The following RCBTB1 variants were observed in gnomAD, a reference collection of about 807,000 sequenced individuals.
RCBTB1 encodes RCC1 and BTB domain-containing protein 1.
A neutral mutation model predicts 62.4 loss-of-function variants in RCBTB1; 46 were observed. That is an observed-to-expected ratio of 0.74 (90% CI 0.58 to 0.94). The LOEUF (loss-of-function observed/expected upper bound fraction) is 0.94, where lower values mean the gene tolerates loss of function less well. Among genes scored for constraint, RCBTB1 ranks in the 40% least tolerant of loss-of-function variants. The pLI is 0.00. For missense variants in RCBTB1, 565 were observed against 654.9 expected, an observed-to-expected ratio of 0.86 and a Z score of 1.50; for synonymous variants, 222 against 245.8, an observed-to-expected ratio of 0.90 and a Z score of 0.91.
rs954802578 is a variant in RCBTB1, at chr13:49,533,965, C to G, written c.*157G>C. 1.5e-6 allele frequency: 1 copy of G among 670,846 alleles called. No homozygotes were observed. The highest frequency in any genetic ancestry group is 2.5e-6 in the Non-Finnish European group (1 of 406,904). 41.6% of individuals were successfully genotyped at this position (670,846 alleles called of 1,614,324 possible). On this transcript the variant is annotated 3_prime_UTR_variant, in exon 13 of 13. Transcript: ENST00000378302. ...ATGGGCTCAAGAAAAGCCGTACACC[C>G]TTGTTATGTTCCTACACAAACAACT... is the stretch of plus-strand genomic sequence containing the variant.
chr13:49,583,498 AGAC>A (rs1322121016), intron 1 of RCBTB1, among the ~76,000 whole-genome samples: 1 of 152,088 alleles, frequency 6.6e-6, no homozygotes, highest in African/African-American at 2.4e-5. Context: ...GGCTAAATTC[AGAC>A]AACACTCATC....
intron 4 of RCBTB1, among the ~76,000 whole-genome samples, chr13:49,562,809 G>A (rs1470257771): frequency 5.4e-4 from 50 of 92,292 alleles, no homozygotes; most frequent in Admixed American, 9.5e-4. Context: ...TTTTTTTTAA[G>A]AGACATGGCC....
intron 12 of RCBTB1, among the ~76,000 whole-genome samples, chr13:49,536,216 G>A (rs756536896): frequency 2.8e-4 from 43 of 152,116 alleles, no homozygotes; most frequent in Admixed American, 2.0e-4. Context: ...AGCCAAACTA[G>A]AGAATTCTGA....
Position 49,533,224 on chromosome 13 carries a change from A to G in RCBTB1, c.*898T>C, listed in dbSNP as rs1401995982. The G allele has an allele frequency of 1.3e-5, 2 of 152,208 alleles. No individual in the cohort carries two copies. Among genetic ancestry groups the G allele is most frequent in the Non-Finnish European group, 2.9e-5 (2 of 68,038 alleles). 9.4% of individuals were successfully genotyped at this position (152,208 alleles called of 1,614,324 possible). Reference sequence around the variant, plus strand: ...GTAGATATGATGATTCAGCAGTCATAATTTAGGAAGGCAAGAGTATACTAT... The same window carrying G: ...GTAGATATGATGATTCAGCAGTCATGATTTAGGAAGGCAAGAGTATACTAT... On this transcript the variant is annotated 3_prime_UTR_variant, in exon 13 of 13. Transcript: ENST00000378302.
intron 9 of RCBTB1, among the ~76,000 whole-genome samples, chr13:49,548,020 C>T (rs536468216): frequency 4.6e-5 from 7 of 152,232 alleles, no homozygotes; most frequent in African/African-American, 1.7e-4. Flanking sequence ...CTCAAGCAAT[C>T]CACCCACCTT....
intron 4 of RCBTB1, among the ~76,000 whole-genome samples, chr13:49,562,196 G>A (rs1962493508): frequency 6.6e-6 from 1 of 151,856 alleles, no homozygotes; most frequent in South Asian, 2.1e-4. Context: ...AACAAGTTCT[G>A]GAAAGAAACA....
intron 10 of RCBTB1, among the ~76,000 whole-genome samples, 172 bp from the exon 11 acceptor site, chr13:49,541,999 G>T (rs1040881446): frequency 6.6e-6 from 1 of 152,080 alleles, no homozygotes; most frequent in Admixed American, 6.5e-5. Flanking sequence ...TAGATCACCT[G>T]AGATCAGGAG....
At chr13:49,539,430 T>C (rs991302628) in intron 12 of RCBTB1, 1 of 152,128 alleles carries the variant, frequency 6.6e-6, no homozygotes, top group Non-Finnish European at 1.5e-5. Flanking sequence ...CTAGGACAGA[T>C]CTTAGCTAAA....
At chr13:49,537,701 G>A (rs894643891) in intron 12 of RCBTB1, among the ~76,000 whole-genome samples, 1 of 152,200 alleles carries the variant, frequency 6.6e-6, no homozygotes, top group African/African-American at 2.4e-5. Context: ...TTGTGCAACT[G>A]ATCTATCTTG....
chr13:49,562,776 CTTTTTTTTT>C (rs58896397), intron 4 of RCBTB1, among the ~76,000 whole-genome samples: 8 of 61,344 alleles, frequency 1.3e-4, no homozygotes, highest in Non-Finnish European at 2.3e-4. Flanking sequence ...CCATCCCCGG[CTTTTTTTTT>C]TTTTTTTTTT....
chr13:49,568,265 A>G (rs899702088), intron 2 of RCBTB1, among the ~76,000 whole-genome samples: 1 of 152,210 alleles, frequency 6.6e-6, no homozygotes, highest in African/African-American at 2.4e-5. Flanking sequence ...ATTCCATTAC[A>G]TCGATTTAGC....
At chr13:49,541,065 G>C (rs1960326286) in intron 11 of RCBTB1, 59 bp from the exon 12 acceptor site, 1 of 1,520,424 alleles carries the variant, frequency 6.6e-7, no homozygotes, top group South Asian at 1.2e-5. Context: ...AATACACAGA[G>C]ATTTTGTTTT....
At chr13:49,557,200 A>G (rs1264335253) in intron 5 of RCBTB1, among the ~76,000 whole-genome samples, 3 of 152,360 alleles carry the variant, frequency 2.0e-5, no homozygotes, top group African/African-American at 4.8e-5. Context: ...TCTGTGTTAG[A>G]AACCAGAGAG....
chr13:49,567,332 G>C lies in RCBTB1; in HGVS notation c.-41-12C>G, dbSNP rs961026522. 4.4e-6 allele frequency: 7 copies of C among 1,575,918 alleles called. No homozygotes were observed. Among genetic ancestry groups the C allele is most frequent in the African/African-American group, 1.4e-5 (1 of 73,392 alleles). On this transcript the variant is annotated splice_polypyrimidine_tract_variant and intron_variant, in intron 2 of 12. Coordinates refer to ENST00000378302, the MANE Select transcript of RCBTB1 (RefSeq NM_018191.4). ...ATAAGCCGACATCTCTGCTGGAACAGAAAGGATTCCAGAAAAAAATTAAAT... is the reference window on the plus strand; with the variant it reads ...ATAAGCCGACATCTCTGCTGGAACACAAAGGATTCCAGAAAAAAATTAAAT...
chr13:49,534,791 T>C (rs371821814), intron 12 of RCBTB1, among the ~76,000 whole-genome samples: 6 of 152,074 alleles, frequency 3.9e-5, no homozygotes, highest in African/African-American at 1.4e-4. Flanking sequence ...CCCAGCACTT[T>C]GGGAGGCCGA....
At chr13:49,536,272 T>C (rs1451274444) in intron 12 of RCBTB1, among the ~76,000 whole-genome samples, 1 of 152,184 alleles carries the variant, frequency 6.6e-6, no homozygotes, top group Non-Finnish European at 1.5e-5. Context: ...TAAACCTTGG[T>C]TGAGGCAGAT....
chr13:49,569,576 G>A (rs1050968012), intron 2 of RCBTB1, among the ~76,000 whole-genome samples: 4 of 151,946 alleles, frequency 2.6e-5, no homozygotes, highest in East Asian at 1.9e-4. Flanking sequence ...TTAGCCTGGC[G>A]GTAGTGGCGC....
rs36063817 is a variant in RCBTB1 at position 49,539,165 on chromosome 13, A to AT, written c.1455+1710dup. Among the ~76,000 whole-genome samples the AT allele has an allele frequency of 5.2e-4, 48 of 92,310 alleles. 1 individual carries two copies. Among genetic ancestry groups the AT allele is most frequent in the Middle Eastern group, 6.7e-3 (1 of 150 alleles). The allele number at this position is 92,310 out of a possible 152,430, so 60.6% of individuals were successfully genotyped here. A position where few individuals can be genotyped will look rare whatever the true frequency, so the allele number is the denominator to read the frequency against. On this transcript the variant is annotated intron_variant, in intron 12 of 12. Transcript: ENST00000378302. ...ACAGGCGTGATCTCCAAGCCTGGCCATTTTTTTTTTTTTAAGCACACCTTC... is the reference window on the plus strand; with the variant it reads ...ACAGGCGTGATCTCCAAGCCTGGCCATTTTTTTTTTTTTTAAGCACACCTTC...
chr13:49,580,739 C>T (rs1398058663), intron 1 of RCBTB1, among the ~76,000 whole-genome samples, 155 bp from the exon 2 acceptor site: 1 of 152,080 alleles, frequency 6.6e-6, no homozygotes, highest in Non-Finnish European at 1.5e-5. Flanking sequence ...TCTATTAGTC[C>T]CCAGTTGTAT....
Sources: gnomAD v4.1 joint callset for allele counts (sites outside exome capture counted in the v4.1 genomes callset) on GRCh38, gnomAD v4.1.1 for gene constraint, MANE v1.5 for transcripts, NCBI Gene and HGNC (gene_info 2026-07-23, HGNC 2026-07-21) for gene names.